Variants in NTSR1 observed in about 807,000 individuals in gnomAD.
NTSR1 encodes the protein neurotensin receptor type 1.
A neutral mutation model predicts 31.2 loss-of-function variants in NTSR1; 29 were observed. The observed-to-expected ratio is 0.93, with a 90% CI of 0.69 to 1.27. The LOEUF (loss-of-function observed/expected upper bound fraction) is 1.27. NTSR1 is among the 50% of genes most tolerant of loss of function. The pLI is 0.00. For synonymous variants in NTSR1, 282 were observed against 269.9 expected, an observed-to-expected ratio of 1.04 and a Z score of -0.44; for missense variants, 697 against 595.4, an observed-to-expected ratio of 1.17 and a Z score of -1.78.
At chr20:62,717,067 A>C (rs1373628814) in intron 1 of NTSR1, among the ~76,000 whole-genome samples, 2 of 152,252 alleles carry the variant, frequency 1.3e-5, no homozygotes, top group Non-Finnish European at 2.9e-5. Flanking sequence ...GTCAATGAAG[A>C]AACTGAGGCC....
intron 1 of NTSR1, among the ~76,000 whole-genome samples, chr20:62,749,014 G>A (rs1040923764): frequency 3.9e-5 from 6 of 152,076 alleles, no homozygotes; most frequent in Admixed American, 2.6e-4. Context: ...ACTTTTCTTT[G>A]TAAATTACCC....
chr20:62,713,921 GA>G (rs1219837735), intron 1 of NTSR1, among the ~76,000 whole-genome samples: 5 of 152,232 alleles, frequency 3.3e-5, no homozygotes, highest in Admixed American at 1.3e-4. Context: ...CCAACATGGC[GA>G]AAACCCATCT....
rs1319124126 is a variant in NTSR1, at chr20:62,715,137, A to G, written c.714+5216A>G. On this transcript the variant is annotated intron_variant, in intron 1 of 3. Transcript: ENST00000370501. This position sits in a 1 kb window ranked among gnomAD's most constrained non-coding sequence, Gnocchi z 4.7. ...AAATTTAGTAATTAAAAGTTTTCAA[A>G]AGGTTAAGGTGCTATATGTTGGAAA... Among the ~76,000 whole-genome samples, 6 of 152,174 alleles carry G rather than the reference A, an allele frequency of 3.9e-5. No homozygotes were observed. Among genetic ancestry groups the G allele is most frequent in the Non-Finnish European group, 7.4e-5 (5 of 68,024 alleles).
chr20:62,740,709 G>C (rs754303562), intron 1 of NTSR1, among the ~76,000 whole-genome samples: 2 of 152,242 alleles, frequency 1.3e-5, no homozygotes, highest in Non-Finnish European at 2.9e-5. Flanking sequence ...GGCCGTGACC[G>C]GGGCCAGAAT....
chr20:62,712,416 C>T (rs564378954), intron 1 of NTSR1, among the ~76,000 whole-genome samples: 2 of 152,236 alleles, frequency 1.3e-5, no homozygotes, highest in Non-Finnish European at 1.5e-5. Flanking sequence ...CCCAGCGTCT[C>T]CTACGAAATT....
In NTSR1 at chr20:62,714,689, G is replaced by A. The variant is rs1259792856; in HGVS notation, c.714+4768G>A. ...GGGACAAATGTACCATTAGGATGCA[G>A]CCAGCAAAACCCAGACCACAAGAAA... On this transcript the variant is annotated intron_variant, in intron 1 of 3. Transcript: ENST00000370501. The surrounding 1 kb of genome is among the most constrained non-coding windows in gnomAD (Gnocchi z 4.1). Among the ~76,000 whole-genome samples the A allele has an allele frequency of 6.6e-6, 1 of 152,188 alleles. No homozygotes were observed. Among genetic ancestry groups the A allele is most frequent in the East Asian group, 1.9e-4 (1 of 5,190 alleles).
chr20:62,750,796 A>G (rs1238306031), intron 1 of NTSR1, among the ~76,000 whole-genome samples: 4 of 151,944 alleles, frequency 2.6e-5, no homozygotes, highest in Admixed American at 6.6e-5. Flanking sequence ...CTGTGAGGTG[A>G]CGGATGTTTC....
intron 1 of NTSR1, among the ~76,000 whole-genome samples, chr20:62,725,978 C>T (rs927312022): frequency 6.6e-6 from 1 of 152,188 alleles, no homozygotes; most frequent in Non-Finnish European, 1.5e-5. Flanking sequence ...GTACACCAAC[C>T]TCATGGGCCA....
intron 1 of NTSR1, 130 bp downstream of exon 1, chr20:62,710,051 C>T (rs1228428887): frequency 4.9e-6 from 4 of 822,006 alleles, no homozygotes; most frequent in African/African-American, 1.7e-5. Context: ...GCTGGGAAGG[C>T]GGTTGGGGCA....
chr20:62,719,573 C>T lies in NTSR1; in HGVS notation c.714+9652C>T, dbSNP rs185323021. Among the ~76,000 whole-genome samples, 260 of 148,548 alleles carry T rather than the reference C, an allele frequency of 1.8e-3. 3 individuals carry two copies. Among genetic ancestry groups the T allele is most frequent in the African/African-American group, 5.5e-3 (226 of 40,918 alleles). ...AAACTGAAGCTCTGCGCCTGTTAAA[C>T]ACTAACTCCCCATCTCCTCCTCCCC... On this transcript the variant is annotated intron_variant, in intron 1 of 3. Coordinates refer to ENST00000370501, the MANE Select transcript of NTSR1 (RefSeq NM_002531.3).
Position 62,758,909 on chromosome 20 carries a change from G to A in NTSR1, c.1007+553G>A, listed in dbSNP as rs183156163. ...AGCCTCACAGGACGATATGGGGGCC[G>A]ATCACAGGGGCACCCACTGCCTGGC... On this transcript the variant is annotated intron_variant, in intron 3 of 3. Transcript: ENST00000370501. The surrounding 1 kb of genome is among the most constrained non-coding windows in gnomAD (Gnocchi z 4.5). Among the ~76,000 whole-genome samples the A allele has an allele frequency of 9.6e-4, 146 of 152,282 alleles. No homozygotes were observed. The highest frequency in any genetic ancestry group is 3.3e-3 in the African/African-American group (137 of 41,554).
intron 1 of NTSR1, among the ~76,000 whole-genome samples, chr20:62,727,460 C>T (rs996776573): frequency 6.6e-6 from 1 of 152,248 alleles, no homozygotes; most frequent in African/African-American, 2.4e-5. Flanking sequence ...CCAGAGATAG[C>T]GCCAGCTGGA....
At chr20:62,735,908 C>T (rs1989083341) in intron 1 of NTSR1, among the ~76,000 whole-genome samples, 1 of 152,248 alleles carries the variant, frequency 6.6e-6, no homozygotes, top group Non-Finnish European at 1.5e-5. Context: ...CCTCCAATTC[C>T]TCACGGGTTC....
At chr20:62,719,132 A>C (rs1053412599) in intron 1 of NTSR1, among the ~76,000 whole-genome samples, 1 of 151,848 alleles carries the variant, frequency 6.6e-6, no homozygotes, top group Non-Finnish European at 1.5e-5. Context: ...TCAAAAAAAA[A>C]AAAAAGTTTT....
chr20:62,738,083 G>A (rs1342231827), intron 1 of NTSR1, among the ~76,000 whole-genome samples: 1 of 69,700 alleles, frequency 1.4e-5, no homozygotes, highest in East Asian at 6.9e-4. Flanking sequence ...CCCCTCCTCT[G>A]CCTATGCCAG....
intron 1 of NTSR1, among the ~76,000 whole-genome samples, chr20:62,740,595 C>G (rs894123524): frequency 3.5e-4 from 54 of 152,186 alleles, no homozygotes; most frequent in African/African-American, 1.3e-3. Flanking sequence ...GCTGTGGACT[C>G]GAGCCCAGGG....
chr20:62,711,625 C>A lies in NTSR1; in HGVS notation c.714+1704C>A, dbSNP rs1238012295. Among the ~76,000 whole-genome samples the A allele has an allele frequency of 3.3e-5, 5 of 151,366 alleles. No homozygotes were observed. In the East Asian group the frequency reaches 9.9e-4, roughly 30 times the overall value. On this transcript the variant is annotated intron_variant, in intron 1 of 3. Coordinates refer to ENST00000370501, the MANE Select transcript of NTSR1 (RefSeq NM_002531.3). This position sits in a 1 kb window ranked among gnomAD's most constrained non-coding sequence, Gnocchi z 6.4. ...CTCAGAACCCCGATCCCCCTGCTCC[C>A]CTGGCAAAAGGCCAGGAGCTCACCA...
chr20:62,725,452 C>T (rs1031374435), intron 1 of NTSR1, among the ~76,000 whole-genome samples: 2 of 152,184 alleles, frequency 1.3e-5, no homozygotes, highest in Non-Finnish European at 2.9e-5. Context: ...GCTGCACTGT[C>T]GGCCCCGTCT....
At position 62,708,890 on chromosome 20, in the gene NTSR1, G is replaced by T. The variant is rs1173977470; in HGVS notation, c.-318G>T. On this transcript the variant is annotated 5_prime_UTR_variant, in exon 1 of 4. Transcript: ENST00000370501. The surrounding 1 kb of genome is among the most constrained non-coding windows in gnomAD (Gnocchi z 5.9). ...GCTGGGCGCTGTCCTCGGGGGCCTGGGGAACCGCGCGGTTTGGAGATCGGA... is the reference window on the plus strand; with the variant it reads ...GCTGGGCGCTGTCCTCGGGGGCCTGTGGAACCGCGCGGTTTGGAGATCGGA... The T allele has an allele frequency of 9.5e-6, 3 of 316,292 alleles. No homozygotes were observed. Among genetic ancestry groups the T allele is most frequent in the Admixed American group, 5.2e-5 (1 of 19,376 alleles). The allele number at this position is 316,292 out of a possible 1,614,324, so 19.6% of individuals were successfully genotyped here. A position where few individuals can be genotyped will look rare whatever the true frequency, so the allele number is the denominator to read the frequency against.
Sources: allele counts gnomAD v4.1 joint callset (sites outside exome capture counted in the v4.1 genomes callset), GRCh38; gene constraint gnomAD v4.1.1; non-coding constraint Gnocchi (gnomAD v3.1); transcripts MANE v1.5; gene names NCBI Gene and HGNC (gene_info 2026-07-23, HGNC 2026-07-21).